PTPRU: variants seen among roughly 807,000 people sequenced by gnomAD.
PTPRU encodes the protein protein tyrosine phosphatase receptor type U.
PTPRU carries 69 observed loss-of-function variants against 166.3 expected under a neutral mutation model. The ratio of observed to expected loss-of-function variants is 0.41; its 90% CI spans 0.34 to 0.51. The LOEUF (loss-of-function observed/expected upper bound fraction) is 0.51. Among genes scored for constraint, PTPRU ranks in the 20% least tolerant of loss-of-function variants. The pLI, the probability that PTPRU is intolerant of heterozygous loss-of-function variation, is 0.09. For synonymous variants in PTPRU, 793 were observed against 814.0 expected (o/e 0.97, Z 0.44); for missense variants, 1,657 against 2,013.7 (o/e 0.82, Z 3.39).
chr1:29,260,711 G>C lies in PTPRU; in HGVS notation c.952G>C (p.Val318Leu). The C allele has an allele frequency of 6.3e-7, 1 of 1,598,580 alleles. No homozygotes were observed. Among genetic ancestry groups the C allele is most frequent in the Non-Finnish European group, 8.5e-7 (1 of 1,171,674 alleles). Reference protein sequence around the residue: ...TNSIIGDGPIVRKEIEYRMAR... With the variant: ...TNSIIGDGPILRKEIEYRMAR... ...CTCCATCATTGGCGACGGGCCGATC[G>C]TGCGCAAGGAGATTGAGTACCGCAT... The change falls in exon 7 of 30, where the codon GTG becomes CTG. Residue 318 changes from valine to leucine, a missense_variant. Physicochemically the swap from Val to Leu is conservative, Grantham distance 32. This residue lies in a region of PTPRU where 453 missense variants were observed against 496.9 expected (regional missense o/e 0.91). Transcript: ENST00000373779. The surrounding 1 kb of genome is among the most constrained non-coding windows in gnomAD (Gnocchi z 8.3).
chr1:29,296,123 T>C (rs1686870984), intron 15 of PTPRU, among the ~76,000 whole-genome samples: 1 of 152,234 alleles, frequency 6.6e-6, no homozygotes, highest in Admixed American at 6.5e-5. Flanking sequence ...CCACTTCTTA[T>C]TCTTTTTCCC....
At chr1:29,277,249 C>T (rs890419747) in intron 8 of PTPRU, among the ~76,000 whole-genome samples, 3 of 152,058 alleles carry the variant, frequency 2.0e-5, no homozygotes, top group East Asian at 1.9e-4. Context: ...TTCAGGTGCC[C>T]GCCACCACGC....
Position 29,310,757 on chromosome 1 carries a change from CA to C in PTPRU, c.2837del (p.Asn946ThrfsTer4). Reference sequence around the variant, plus strand: ...CTCCTGTTCCAGGGTTACCACAGGTCAAACCACTTCATAGCCACTCAAGGTA... The same window carrying C: ...CTCCTGTTCCAGGGTTACCACAGGTCAACCACTTCATAGCCACTCAAGGTA... ...NANYIDGYHR[S>X]NHFIATQGPK... On this transcript the variant is annotated frameshift_variant, in exon 19 of 30. Transcript: ENST00000373779. LOFTEE classifies it high-confidence loss of function. 1 of 1,613,964 alleles carries C rather than the reference CA, an allele frequency of 6.2e-7. No individual in the cohort carries two copies. Among genetic ancestry groups the C allele is most frequent in the Non-Finnish European group, 8.5e-7 (1 of 1,179,852 alleles).
chr1:29,289,799 C>T (rs537699088), intron 14 of PTPRU: 17 of 1,492,614 alleles, frequency 1.1e-5, no homozygotes, highest in Admixed American at 7.3e-5. Context: ...GGCTTAGTCT[C>T]GCTGCACCCA....
chr1:29,324,936 C>T (rs1688336976), intron 28 of PTPRU, among the ~76,000 whole-genome samples: 1 of 151,218 alleles, frequency 6.6e-6, no homozygotes, highest in African/African-American at 2.4e-5. Context: ...CTAGCTCTGC[C>T]CCTCATCTCT....
chr1:29,303,559 A>G (rs10915249), intron 15 of PTPRU, among the ~76,000 whole-genome samples: 31,731 of 152,198 alleles, frequency 0.21, 3,398 homozygotes, highest in African/African-American at 0.27. Context: ...TAGCATGGTG[A>G]AGCCTCGCTG....
At chr1:29,251,082 A>G (rs2255919) in intron 1 of PTPRU, among the ~76,000 whole-genome samples, 98,909 of 152,070 alleles carry the variant, frequency 0.65, 33,037 homozygotes, top group Non-Finnish European at 0.7. Context: ...TGACATCCCC[A>G]TCTCTACTAA....
At chr1:29,310,425 G>A (rs1687595672) in intron 18 of PTPRU, among the ~76,000 whole-genome samples, 1 of 152,140 alleles carries the variant, frequency 6.6e-6, no homozygotes, top group Non-Finnish European at 1.5e-5. Context: ...CCGAACAACA[G>A]CCTGGCTGAA....
chr1:29,277,821 T>TTTTTA, intron 8 of PTPRU, among the ~76,000 whole-genome samples: 1 of 126,354 alleles, frequency 7.9e-6, no homozygotes, highest in African/African-American at 3.0e-5. Context: ...TTTTTTTTTT[T>TTTTTA]TTTTTTTTTT....
chr1:29,273,948 T>C (rs1417626314), intron 7 of PTPRU, among the ~76,000 whole-genome samples: 1 of 152,220 alleles, frequency 6.6e-6, no homozygotes, highest in Non-Finnish European at 1.5e-5. Flanking sequence ...ACTGAATTTC[T>C]CTGTGCCATT....
rs149435228 is a variant in PTPRU at position 29,277,187 on chromosome 1, G to A, written c.1453+1431G>A. On this transcript the variant is annotated intron_variant, in intron 8 of 29. Transcript: ENST00000373779. ...ACAATCTCGGCTCACTGCAAACTCCGCCTTCTGGGTTCAAGTGATTCTCAT... is the reference window on the plus strand; with the variant it reads ...ACAATCTCGGCTCACTGCAAACTCCACCTTCTGGGTTCAAGTGATTCTCAT... Among the ~76,000 whole-genome samples, 618 of 152,196 alleles carry A rather than the reference G, an allele frequency of 4.1e-3. 10 individuals carry two copies. The highest frequency in any genetic ancestry group is 0.013 in the African/African-American group (557 of 41,536).
Position 29,259,925 on chromosome 1 carries a change from G to A in PTPRU, c.731G>A (p.Arg244His). Reference protein sequence around the residue: ...AAGVRHISHRRFLATFPLAAV... With the variant: ...AAGVRHISHRHFLATFPLAAV... Reference sequence around the variant, plus strand: ...GGCGTGCGGCACATCAGCCACCGGCGCTTCCTGGCCACTTTCCCGCTGGCT... The same window carrying A: ...GGCGTGCGGCACATCAGCCACCGGCACTTCCTGGCCACTTTCCCGCTGGCT... Residue 244 changes from arginine to histidine, a missense_variant, in exon 6 of 30, where the codon CGC (arginine) becomes CAC (histidine). Coordinates refer to ENST00000373779, the MANE Select transcript of PTPRU (RefSeq NM_133178.4). 4 of 1,534,046 alleles carry A rather than the reference G, an allele frequency of 2.6e-6. No homozygotes were observed. Among genetic ancestry groups the A allele is most frequent in the Non-Finnish European group, 3.5e-6 (4 of 1,146,472 alleles).
chr1:29,292,005 A>T lies in PTPRU; in HGVS notation c.2455A>T (p.Thr819Ser), dbSNP rs1686662682. Residue 819 changes from threonine (T) to serine (S), a missense_variant, in exon 15 of 30, where the codon ACC (threonine) becomes TCC (serine). Thr to Ser is a moderately conservative substitution (Grantham distance 58, BLOSUM62 1). This residue lies in a region of PTPRU where 1,190 missense variants were observed against 1,477.4 expected (regional missense o/e 0.81). Transcript: ENST00000373779. ...DERLGLSFMD[T>S]HGYSTRGDQR... is the part of the protein sequence containing the mutation. Reference sequence around the variant, plus strand: ...GCGGCTGGGCCTGTCCTTCATGGACACCCATGGCTACAGCACCCGGGGTGA... The same window carrying T: ...GCGGCTGGGCCTGTCCTTCATGGACTCCCATGGCTACAGCACCCGGGGTGA... 6 of 1,614,140 alleles carry T rather than the reference A, an allele frequency of 3.7e-6. No individual in the cohort carries two copies. Among genetic ancestry groups the T allele is most frequent in the Non-Finnish European group, 4.2e-6 (5 of 1,180,024 alleles).
chr1:29,324,272 CAT>C (rs1326956234), intron 28 of PTPRU, among the ~76,000 whole-genome samples: 1 of 152,208 alleles, frequency 6.6e-6, no homozygotes, highest in Non-Finnish European at 1.5e-5. Flanking sequence ...ATGCTTTCAG[CAT>C]TTACTGAGCC....
intron 11 of PTPRU, among the ~76,000 whole-genome samples, chr1:29,282,417 G>A (rs1405685111): frequency 6.6e-6 from 1 of 152,214 alleles, no homozygotes; most frequent in Admixed American, 6.5e-5. Context: ...AGGAATAACC[G>A]CTGACAGGTG....
In PTPRU at chr1:29,298,460, C is replaced by T. The variant is rs116399320; in HGVS notation, c.2477-5395C>T. 8.5e-3 allele frequency among the ~76,000 whole-genome samples: 1,298 copies of T among 152,178 alleles called. 14 individuals are homozygous for T. Among genetic ancestry groups the T allele is most frequent in the Non-Finnish European group, 0.014 (954 of 68,012 alleles). On this transcript the variant is annotated intron_variant, in intron 15 of 29. Coordinates refer to ENST00000373779, the MANE Select transcript of PTPRU (RefSeq NM_133178.4). ...GCCATGTTGATTTTGGTGGATCCTT[C>T]TATGCAAATTTTAAATGAAGGACTT...
intron 15 of PTPRU, among the ~76,000 whole-genome samples, chr1:29,298,173 G>A (rs897945809): frequency 6.6e-6 from 1 of 151,600 alleles, no homozygotes; most frequent in African/African-American, 2.4e-5. Context: ...CACAAGAATT[G>A]CTTGAACCTG....
At chr1:29,277,974 A>G (rs1169784320) in intron 8 of PTPRU, among the ~76,000 whole-genome samples, 1 of 150,824 alleles carries the variant, frequency 6.6e-6, no homozygotes, top group African/African-American at 2.4e-5. Context: ...ACCTACCACT[A>G]CGCCGGCTAA....
Position 29,284,710 on chromosome 1 carries a change from GT to G in PTPRU, c.2180-19del. On this transcript the variant is annotated intron_variant, in intron 13 of 29. Coordinates refer to ENST00000373779, the MANE Select transcript of PTPRU (RefSeq NM_133178.4). The stretch of plus-strand genomic sequence containing the variant: ...GTCCCTGTCTTTCCTCTGATCCCTT[GT>G]TCTGCTTTGTTCTCCCCAGCTGCCT... 6.2e-7 allele frequency: 1 copy of G among 1,614,028 alleles called. No homozygotes were observed. The highest frequency in any genetic ancestry group is 8.5e-7 in the Non-Finnish European group (1 of 1,179,966).
Sources: gnomAD v4.1 joint callset for allele counts (sites outside exome capture counted in the v4.1 genomes callset) on GRCh38, gnomAD v4.1.1 for gene constraint, gnomAD v4.1.1 regional missense constraint, Gnocchi (gnomAD v3.1) non-coding constraint, MANE v1.5 for transcripts, NCBI Gene and HGNC (gene_info 2026-07-23, HGNC 2026-07-21) for gene names.